KMT2C: variants seen among roughly 807,000 people sequenced by gnomAD.
KMT2C encodes lysine methyltransferase 2C, also known as histone-lysine N-methyltransferase 2C.
A neutral mutation model predicts 507.9 loss-of-function variants in KMT2C; 88 were observed. The observed-to-expected ratio is 0.17, with a 90% CI of 0.15 to 0.21. The LOEUF (loss-of-function observed/expected upper bound fraction) is 0.21, where lower values mean the gene tolerates loss of function less well. KMT2C is among the 10% of genes least tolerant of loss of function. The pLI is 1.00. For missense variants in KMT2C, 4,954 were observed against 5,957.8 expected, an observed-to-expected ratio of 0.83 and a Z score of 5.55; for synonymous variants, 2,049 against 2,080.8, an observed-to-expected ratio of 0.98 and a Z score of 0.42.
At chr7:152,341,336 G>C (rs1227291772) in intron 2 of KMT2C, among the ~76,000 whole-genome samples, 1 of 152,184 alleles carries the variant, frequency 6.6e-6, no homozygotes, top group Non-Finnish European at 1.5e-5. Flanking sequence ...ATAAGAAGCT[G>C]AATTTTTCAT....
chr7:152,338,207 T>A lies in KMT2C; in HGVS notation c.251-7468A>T, dbSNP rs1445004331. On this transcript the variant is annotated intron_variant, in intron 2 of 58. Transcript: ENST00000262189. ...TGATGTCACATCATGAATTATTAAA[T>A]TGCATTATGAGAATTAATGAGAATA... is the stretch of plus-strand genomic sequence containing the variant. 2.0e-5 allele frequency among the ~76,000 whole-genome samples: 3 copies of A among 152,286 alleles called. No individual in the cohort carries two copies. The East Asian group carries it at 5.8e-4, about 29-fold the overall frequency.
intron 6 of KMT2C, among the ~76,000 whole-genome samples, chr7:152,283,385 C>G (rs1347817317): frequency 6.6e-6 from 1 of 152,086 alleles, no homozygotes; most frequent in African/African-American, 2.4e-5. Context: ...AACACAGACA[C>G]AGTAAGAATC....
At chr7:152,297,055 C>CAGACAGACAGAGAGAGAGAG (rs1315629061) in intron 6 of KMT2C, among the ~76,000 whole-genome samples, 23 of 84,430 alleles carry the variant, frequency 2.7e-4, no homozygotes, top group Non-Finnish European at 4.5e-4. Context: ...GAAAGAAAGA[C>CAGACAGACAGAGAGAGAGAG]AGAGAGAGAG....
rs1412102706 is a variant in KMT2C at position 152,407,094 on chromosome 7, T to C, written c.161+28532A>G. On this transcript the variant is annotated intron_variant, in intron 1 of 58. Coordinates refer to ENST00000262189, the MANE Select transcript of KMT2C (RefSeq NM_170606.3). ...AAGCCTCCATGCAATGACATTTTTATCTTTATGGAGCATCATCAATATCAG... is the reference window on the plus strand; with the variant it reads ...AAGCCTCCATGCAATGACATTTTTACCTTTATGGAGCATCATCAATATCAG... Among the ~76,000 whole-genome samples the C allele has an allele frequency of 5.3e-5, 8 of 151,542 alleles. No homozygotes were observed. The East Asian group carries it at 1.6e-3, about 31-fold the overall frequency.
chr7:152,148,014 T>C lies in KMT2C; in HGVS notation c.13894+19A>G, dbSNP rs2091312027. ...TCAGAGTAAGTAGCACTGCACAGCA[T>C]GTGAACGGCAGACGTTACCTTTAGG... On this transcript the variant is annotated intron_variant, in intron 52 of 58. Transcript: ENST00000262189. The surrounding 1 kb of genome is among the most constrained non-coding windows in gnomAD (Gnocchi z 7.1). 1 of 1,548,332 alleles carries C rather than the reference T, an allele frequency of 6.5e-7. No individual in the cohort carries two copies. The highest frequency in any genetic ancestry group is 8.7e-7 in the Non-Finnish European group (1 of 1,144,714).
At chr7:152,366,205 T>C (rs558426668) in intron 1 of KMT2C, among the ~76,000 whole-genome samples, 60 of 152,252 alleles carry the variant, frequency 3.9e-4, no homozygotes, top group Middle Eastern at 6.8e-3. Context: ...CAGTTAAAAA[T>C]AGAATTGCCA....
intron 6 of KMT2C, among the ~76,000 whole-genome samples, chr7:152,283,086 A>G (rs1032601555): frequency 6.6e-6 from 1 of 152,262 alleles, no homozygotes; most frequent in Non-Finnish European, 1.5e-5. Context: ...TGAATGCGCC[A>G]TAAAGCTAAT....
At chr7:152,326,888 AT>A (rs1219347169) in intron 3 of KMT2C, among the ~76,000 whole-genome samples, 8 of 151,786 alleles carry the variant, frequency 5.3e-5, no homozygotes, top group African/African-American at 7.3e-5. Flanking sequence ...CTCAAAAAAA[AT>A]AAAATAAAAT....
At chr7:152,396,537 G>C (rs2097539254) in intron 1 of KMT2C, among the ~76,000 whole-genome samples, 1 of 152,086 alleles carries the variant, frequency 6.6e-6, no homozygotes, top group South Asian at 2.1e-4. Context: ...AAGCCTAGAA[G>C]GACTGACCAA....
At chr7:152,291,716 T>C (rs549530858) in intron 6 of KMT2C, among the ~76,000 whole-genome samples, 98 of 152,356 alleles carry the variant, frequency 6.4e-4, no homozygotes, top group African/African-American at 1.5e-3. Context: ...GTAACACCTA[T>C]TCATCCATCA....
Position 152,408,814 on chromosome 7 carries a change from TAAAAAAAAA to T in KMT2C, c.161+26803_161+26811del, listed in dbSNP as rs33915849. Reference sequence around the variant, plus strand: ...ACTAACATAAACTACAAGGTTTTGTTAAAAAAAAAAAAAAAAAAAATGTAGCCAATGTCC... The same window carrying T: ...ACTAACATAAACTACAAGGTTTTGTTAAAAAAAAAAATGTAGCCAATGTCC... On this transcript the variant is annotated intron_variant, in intron 1 of 58. Transcript: ENST00000262189. Among the ~76,000 whole-genome samples the T allele has an allele frequency of 3.3e-4, 40 of 122,320 alleles. 1 individual carries two copies. Among genetic ancestry groups the T allele is most frequent in the East Asian group, 6.9e-4 (3 of 4,332 alleles). The allele number at this position is 122,320 out of a possible 152,430, so 80.2% of individuals were successfully genotyped here. A position where few individuals can be genotyped will look rare whatever the true frequency, so the allele number is the denominator to read the frequency against.
At chr7:152,151,341 AC>A in intron 50 of KMT2C, 100 bp downstream of exon 50, 1 of 1,258,940 alleles carries the variant, frequency 7.9e-7, no homozygotes, top group South Asian at 1.4e-5. Context: ...TGTCCATCAC[AC>A]CACCATAAGT....
At chr7:152,319,954 T>C (rs569829383) in intron 3 of KMT2C, among the ~76,000 whole-genome samples, 98 of 152,138 alleles carry the variant, frequency 6.4e-4, no homozygotes, top group African/African-American at 2.2e-3. Context: ...CCCTTTGTCT[T>C]GTATCCAATA....
chr7:152,339,939 A>AGGC (rs2096975262), intron 2 of KMT2C, among the ~76,000 whole-genome samples: 1 of 152,192 alleles, frequency 6.6e-6, no homozygotes, highest in Admixed American at 6.5e-5. Flanking sequence ...GACATTCATT[A>AGGC]TCGACTAGTT....
intron 2 of KMT2C, among the ~76,000 whole-genome samples, chr7:152,356,300 C>A (rs1310141023): frequency 2.0e-5 from 3 of 152,144 alleles, no homozygotes; most frequent in African/African-American, 7.2e-5. Flanking sequence ...AAGGGCCGGG[C>A]ATAGTGGCTC....
chr7:152,179,974 T>A lies in KMT2C; in HGVS notation c.7302A>T (p.Arg2434Ser), dbSNP rs1192095973. Residue 2434 changes from arginine to serine, a missense_variant, in exon 37 of 59, where the codon AGA becomes AGT. Arg to Ser is a moderately radical substitution (Grantham distance 110). Transcript: ENST00000262189. Reference sequence around the variant, plus strand: ...TGTTCCCAGGATAGGGAGGTGGGGGTCTGGTGAAAGCCTGGTTAACATTCT... The same window carrying A: ...TGTTCCCAGGATAGGGAGGTGGGGGACTGGTGAAAGCCTGGTTAACATTCT... ...QPENVNQAFT[R>S]PPPPYPGNIR... is the part of the protein sequence containing the mutation. 1 of 1,613,560 alleles carries A rather than the reference T, an allele frequency of 6.2e-7. No individual in the cohort carries two copies. The highest frequency in any genetic ancestry group is 8.5e-7 in the Non-Finnish European group (1 of 1,179,900).
rs766573284 is a variant in KMT2C, at chr7:152,176,489, C to T, written c.8964G>A (p.Gln2988=). 6.2e-7 allele frequency: 1 copy of T among 1,614,122 alleles called. No individual in the cohort carries two copies. Among genetic ancestry groups the T allele is most frequent in the South Asian group, 1.1e-5 (1 of 91,080 alleles). The change falls in exon 38 of 59, where the codon CAG becomes CAA. Residue 2988 remains glutamine, a synonymous_variant. Transcript: ENST00000262189. ...GACCTGGAATGAGCCCTGGGTTTAC[C>T]TGCACACCCTGAGAAAAAACATGGT... ...RVNHVFSQGV[Q]VNPGLIPGQS... is the part of the protein sequence containing the mutation.
intron 35 of KMT2C, 82 bp downstream of exon 35, chr7:152,182,892 A>G: frequency 9.9e-7 from 1 of 1,005,528 alleles, no homozygotes; most frequent in Admixed American, 2.5e-5. Context: ...TAAGAACTAT[A>G]TTCTAAAATA....
intron 9 of KMT2C, among the ~76,000 whole-genome samples, chr7:152,262,176 A>G (rs2095792556): frequency 6.6e-6 from 1 of 152,144 alleles, no homozygotes; most frequent in Non-Finnish European, 1.5e-5. Context: ...GGTTCTGGCC[A>G]CATCACCCTC....
Sources: allele counts gnomAD v4.1 joint callset (sites outside exome capture counted in the v4.1 genomes callset), GRCh38; gene constraint gnomAD v4.1.1; non-coding constraint Gnocchi (gnomAD v3.1); transcripts MANE v1.5; gene names NCBI Gene and HGNC (gene_info 2026-07-23, HGNC 2026-07-21).